Variants in CACNA1C observed in about 807,000 individuals in gnomAD.
The protein encoded by CACNA1C is voltage-dependent L-type calcium channel subunit alpha-1C.
A neutral mutation model predicts 229.0 loss-of-function variants in CACNA1C; 30 were observed. The ratio of observed to expected loss-of-function variants is 0.13; its 90% CI spans 0.10 to 0.18. The LOEUF is 0.18. Among genes scored for constraint, CACNA1C ranks in the 10% least tolerant of loss-of-function variants. The probability of loss-of-function intolerance (pLI) is 1.00; values close to 1 mark genes in which losing one functional copy is unlikely to be tolerated. For synonymous variants in CACNA1C, 1,114 were observed against 1,132.5 expected (o/e 0.98, Z 0.33); for missense variants, 1,658 against 2,845.0 (o/e 0.58, Z 9.49).
At chr12:2,640,408 T>C (rs977511513) in intron 30 of CACNA1C, among the ~76,000 whole-genome samples, 2 of 152,190 alleles carry the variant, frequency 1.3e-5, no homozygotes, top group Non-Finnish European at 2.9e-5. Context: ...GACTTCTCTG[T>C]GTCGGTTGAT....
intron 3 of CACNA1C, among the ~76,000 whole-genome samples, chr12:2,345,712 G>A (rs551642038): frequency 1.3e-4 from 20 of 152,280 alleles, no homozygotes; most frequent in African/African-American, 4.8e-4. Context: ...GTCTCTGCAG[G>A]TTGATCTAGG....
intron 5 of CACNA1C, among the ~76,000 whole-genome samples, chr12:2,477,983 A>G (rs2099639306): frequency 6.6e-6 from 1 of 151,998 alleles, no homozygotes; most frequent in Non-Finnish European, 1.5e-5. Flanking sequence ...AAATAAATGT[A>G]AGTACAGGTG....
intron 3 of CACNA1C, among the ~76,000 whole-genome samples, chr12:2,253,754 G>A (rs2076418924): frequency 6.6e-6 from 1 of 152,216 alleles, no homozygotes; most frequent in Non-Finnish European, 1.5e-5. Flanking sequence ...CATTGTTTAA[G>A]TAGCGCTTAC....
Position 2,265,468 on chromosome 12 carries a change from G to A in CACNA1C, c.477+145038G>A, listed in dbSNP as rs370093530. On this transcript the variant is annotated intron_variant, in intron 3 of 46. Coordinates refer to ENST00000399655, the MANE Select transcript of CACNA1C (RefSeq NM_000719.7). ...TCTACTTCCACCTTACTGCAGAGTG[G>A]GGGGCTGGAACGTTGGCAAGGATCC... Among the ~76,000 whole-genome samples the A allele has an allele frequency of 3.9e-4, 59 of 152,206 alleles. No homozygotes were observed. The South Asian group carries it at 0.012, about 30-fold the overall frequency.
chr12:2,327,338 C>G (rs1489348528), intron 3 of CACNA1C, among the ~76,000 whole-genome samples: 1 of 152,224 alleles, frequency 6.6e-6, no homozygotes. Flanking sequence ...ATGAAACACA[C>G]TGCCAGGCAT....
intron 14 of CACNA1C, 125 bp from the exon 15 acceptor site, chr12:2,582,697 G>A: frequency 1.0e-6 from 1 of 970,522 alleles, no homozygotes; most frequent in African/African-American, 1.6e-5. Flanking sequence ...GGGGCCAGGA[G>A]GAGGGAAAGA....
chr12:2,069,722 A>G (rs1345668503), intron 1 of CACNA1C, among the ~76,000 whole-genome samples: 1 of 152,200 alleles, frequency 6.6e-6, no homozygotes, highest in Non-Finnish European at 1.5e-5. Context: ...AAAGGGATTG[A>G]TGGAAATATG....
intron 3 of CACNA1C, among the ~76,000 whole-genome samples, chr12:2,437,846 GTGA>G (rs940053813): frequency 1.0e-3 from 95 of 94,094 alleles, no homozygotes; most frequent in East Asian, 3.4e-3. Flanking sequence ...AATGATGGTG[GTGA>G]TGATGGTGGT....
At chr12:2,519,838 T>C (rs934293714) in intron 9 of CACNA1C, among the ~76,000 whole-genome samples, 4 of 152,134 alleles carry the variant, frequency 2.6e-5, no homozygotes, top group Admixed American at 6.6e-5. Context: ...CCAGAAGGGG[T>C]CTGTTCATTG....
chr12:2,172,978 G>A (rs1016201943), intron 3 of CACNA1C, among the ~76,000 whole-genome samples: 4 of 152,188 alleles, frequency 2.6e-5, no homozygotes, highest in Admixed American at 1.3e-4. Context: ...GTTCTGAATG[G>A]CAGGGACGTT....
At chr12:2,194,564 G>A (rs1319400262) in intron 3 of CACNA1C, among the ~76,000 whole-genome samples, 2 of 151,836 alleles carry the variant, frequency 1.3e-5, no homozygotes, top group Admixed American at 1.3e-4. Context: ...TTTGCTCTTG[G>A]GTCTCCTTGC....
chr12:2,550,601 T>G, intron 10 of CACNA1C: 2 of 1,351,710 alleles, frequency 1.5e-6, no homozygotes, highest in South Asian at 2.3e-5. Flanking sequence ...GTGTCACGAC[T>G]GTAAACTCAC....
chr12:2,340,236 C>T (rs2096824179), intron 3 of CACNA1C, among the ~76,000 whole-genome samples: 1 of 152,110 alleles, frequency 6.6e-6, no homozygotes, highest in Admixed American at 6.5e-5. Flanking sequence ...TCTATATATA[C>T]CCCTTTTTGC....
At position 2,269,298 on chromosome 12, in the gene CACNA1C, A is replaced by G. The variant is rs558230643; in HGVS notation, c.477+148868A>G. ...CGGCTGAAAGAAATCACCTAGGTTA[A>G]ACCTGCCTAAATTCTGCTATCTGTG... On this transcript the variant is annotated intron_variant, in intron 3 of 46. Coordinates refer to ENST00000399655, the MANE Select transcript of CACNA1C (RefSeq NM_000719.7). Among the ~76,000 whole-genome samples the G allele has an allele frequency of 3.3e-5, 5 of 152,266 alleles. No homozygotes were observed. In the South Asian group the frequency reaches 1.0e-3, roughly 32 times the overall value.
chr12:2,149,498 T>C (rs1259319772), intron 3 of CACNA1C, among the ~76,000 whole-genome samples: 1 of 152,244 alleles, frequency 6.6e-6, no homozygotes, highest in East Asian at 1.9e-4. Context: ...AGGAATGCTC[T>C]ACTGCTGTGA....
chr12:2,458,194 G>C (rs773600596), intron 5 of CACNA1C, among the ~76,000 whole-genome samples: 1 of 152,172 alleles, frequency 6.6e-6, no homozygotes, highest in African/African-American at 2.4e-5. Flanking sequence ...CTGTCAAATG[G>C]GGCAGCCCAG....
At chr12:2,353,634 A>G (rs1378963175) in intron 3 of CACNA1C, among the ~76,000 whole-genome samples, 1 of 152,032 alleles carries the variant, frequency 6.6e-6, no homozygotes. Context: ...AGTGCCCCCC[A>G]TTGTGTTGGG....
chr12:2,206,893 T>C (rs902251834), intron 3 of CACNA1C, among the ~76,000 whole-genome samples: 15 of 152,266 alleles, frequency 9.9e-5, no homozygotes, highest in Non-Finnish European at 2.1e-4. Flanking sequence ...TCGTATTTTA[T>C]ACACATATTT....
At chr12:2,638,074 G>A (rs2093089540) in intron 30 of CACNA1C, among the ~76,000 whole-genome samples, 1 of 152,152 alleles carries the variant, frequency 6.6e-6, no homozygotes, top group South Asian at 2.1e-4. Flanking sequence ...TCCATCAGCT[G>A]GCAAACCAAA....
Sources: allele counts gnomAD v4.1 joint callset (sites outside exome capture counted in the v4.1 genomes callset), GRCh38; gene constraint gnomAD v4.1.1; transcripts MANE v1.5; gene names NCBI Gene and HGNC (gene_info 2026-07-23, HGNC 2026-07-21).